Variants in CAST observed in about 807,000 individuals in gnomAD.
CAST encodes MIR583 host.
A neutral mutation model predicts 119.6 loss-of-function variants in CAST; 76 were observed. The ratio of observed to expected loss-of-function variants is 0.64; its 90% confidence interval spans 0.53 to 0.77. The LOEUF (loss-of-function observed/expected upper bound fraction) is 0.77. Ranked by LOEUF, CAST falls within the 30% of genes least tolerant of loss-of-function variation. CAST has a pLI of 0.00. For synonymous variants in CAST, 319 were observed against 331.6 expected (o/e 0.96, Z 0.41); for missense variants, 953 against 946.5 (o/e 1.01, Z -0.09).
chr5:96,530,226 T>C (rs770526183), intron 1 of CAST, among the ~76,000 whole-genome samples: 4 of 152,082 alleles, frequency 2.6e-5, no homozygotes, highest in Non-Finnish European at 5.9e-5. Flanking sequence ...GGAAGGCTTC[T>C]CTGGGGAGGA....
chr5:96,534,759 A>AG (rs1561408955), intron 1 of CAST, among the ~76,000 whole-genome samples: 4 of 55,554 alleles, frequency 7.2e-5, no homozygotes, highest in Non-Finnish European at 8.5e-5. Flanking sequence ...GAAAGAAAGA[A>AG]AGAAAGAAAG....
chr5:96,155,933 A>C, the CAST span, among the ~76,000 whole-genome samples: 21 of 152,322 alleles, frequency 1.4e-4, no homozygotes, highest in East Asian at 4.1e-3. Flanking sequence ...AGAGTCCTAA[A>C]GGGAGGGGGC....
At chr5:96,075,146 C>T in the CAST span, among the ~76,000 whole-genome samples, 3 of 152,186 alleles carry the variant, frequency 2.0e-5, no homozygotes, top group Admixed American at 6.5e-5. Context: ...CTCACAGTCA[C>T]CTCTTCTAAT....
intron 16 of CAST, among the ~76,000 whole-genome samples, chr5:96,745,995 T>C (rs78375313): frequency 0.021 from 3,180 of 152,340 alleles, 60 homozygotes; most frequent in Non-Finnish European, 0.033. Flanking sequence ...TCTCTGGTGA[T>C]CTTCACAAGT....
At chr5:96,520,733 A>T (rs1253516100), upstream of CAST, among the ~76,000 whole-genome samples, 1 of 152,188 alleles carries the variant, frequency 6.6e-6, no homozygotes, top group African/African-American at 2.4e-5. Flanking sequence ...TGGTTATGCC[A>T]TTCTAAATAT....
the CAST span, among the ~76,000 whole-genome samples, chr5:96,339,308 C>T: frequency 1.3e-5 from 2 of 152,010 alleles, no homozygotes; most frequent in African/African-American, 2.4e-5. Flanking sequence ...AAAATAGAAC[C>T]AAGTAGAAAA....
At chr5:96,571,760 T>C (rs1746572595) in intron 1 of CAST, among the ~76,000 whole-genome samples, 2 of 152,240 alleles carry the variant, frequency 1.3e-5, no homozygotes, top group South Asian at 4.1e-4. Flanking sequence ...TACCCTGTTT[T>C]ACTTTCCTTT....
the CAST span, among the ~76,000 whole-genome samples, chr5:96,104,242 C>T: frequency 2.6e-5 from 4 of 152,060 alleles, no homozygotes; most frequent in Non-Finnish European, 5.9e-5. Flanking sequence ...AGTTTAATTA[C>T]ATCCCATTTG....
chr5:96,412,764 T>TTGTTTTTTTTTTTTTG, the CAST span, among the ~76,000 whole-genome samples: 2 of 145,590 alleles, frequency 1.4e-5, no homozygotes, highest in African/African-American at 5.4e-5. Context: ...TTTTTTTTTT[T>TTGTTTTTTTTTTTTTG]TTTTTTTTTT....
the CAST span, among the ~76,000 whole-genome samples, chr5:96,335,677 C>T: frequency 1.3e-5 from 2 of 152,192 alleles, no homozygotes; most frequent in Non-Finnish European, 2.9e-5. Context: ...TCACCAATTC[C>T]ATCACCTGCT....
At chr5:96,466,798 C>T in the CAST span, among the ~76,000 whole-genome samples, 1 of 152,066 alleles carries the variant, frequency 6.6e-6, no homozygotes, top group Non-Finnish European at 1.5e-5. Context: ...GCAATGCATG[C>T]AATGGAATAA....
intron 1 of CAST, among the ~76,000 whole-genome samples, chr5:96,551,454 C>A (rs1381853868): frequency 2.6e-5 from 4 of 152,182 alleles, no homozygotes; most frequent in South Asian, 4.1e-4. Flanking sequence ...GTACCAGCCA[C>A]TGCAAAAACA....
chr5:96,072,323 G>A, the CAST span, among the ~76,000 whole-genome samples: 1 of 152,186 alleles, frequency 6.6e-6, no homozygotes, highest in African/African-American at 2.4e-5. Context: ...CAGCCACTGT[G>A]TGGAGGAGGA....
chr5:96,064,209 C>T, the CAST span, among the ~76,000 whole-genome samples: 1 of 152,004 alleles, frequency 6.6e-6, no homozygotes, highest in African/African-American at 2.4e-5. Flanking sequence ...GCTTTGACTC[C>T]AGTATTTCTT....
the CAST span, among the ~76,000 whole-genome samples, chr5:96,144,926 A>C: frequency 6.6e-6 from 1 of 152,062 alleles, no homozygotes; most frequent in South Asian, 2.1e-4. Flanking sequence ...GGTTCTGGAG[A>C]TAGAGAGATA....
At chr5:96,340,384 T>A in the CAST span, among the ~76,000 whole-genome samples, 3 of 152,066 alleles carry the variant, frequency 2.0e-5, no homozygotes, top group South Asian at 6.2e-4. Context: ...CCACCATGGT[T>A]AACTTGTTTT....
At chr5:96,301,751 C>A in the CAST span, among the ~76,000 whole-genome samples, 3 of 152,206 alleles carry the variant, frequency 2.0e-5, no homozygotes, top group Non-Finnish European at 4.4e-5. Context: ...GGGGTGGGCT[C>A]GAAGGGCCTT....
At chr5:96,115,790 T>C in the CAST span, among the ~76,000 whole-genome samples, 5,958 of 152,234 alleles carry the variant, frequency 0.039, 253 homozygotes, top group African/African-American at 0.1. Context: ...AGATGTACAA[T>C]GTTTAATGGG....
At chr5:95,983,440 A>G in the CAST span, among the ~76,000 whole-genome samples, 1 of 152,154 alleles carries the variant, frequency 6.6e-6, no homozygotes, top group Non-Finnish European at 1.5e-5. Context: ...CAAAAGATCC[A>G]CACACACACA....
Sources: gnomAD v4.1 joint callset for allele counts (sites outside exome capture counted in the v4.1 genomes callset) on GRCh38, gnomAD v4.1.1 for gene constraint, MANE v1.5 for transcripts, NCBI Gene and HGNC (gene_info 2026-07-23, HGNC 2026-07-21) for gene names.